FBXL5: variants seen among roughly 807,000 people sequenced by gnomAD.
FBXL5 encodes the protein F-box and leucine rich repeat protein 5, also known as F-box/LRR-repeat protein 5.
In FBXL5, 26 loss-of-function variants were observed where a neutral mutation model predicts 78.3. The observed-to-expected ratio is 0.33, with a 90% CI of 0.24 to 0.46. The LOEUF is 0.46. Among genes scored for constraint, FBXL5 ranks in the 20% least tolerant of loss-of-function variants. FBXL5 has a pLI of 1.00. For synonymous variants in FBXL5, 295 were observed against 282.5 expected, an observed-to-expected ratio of 1.04 and a Z score of -0.45; for missense variants, 710 against 829.2, an observed-to-expected ratio of 0.86 and a Z score of 1.77.
chr4:15,605,531 A>C lies in FBXL5; in HGVS notation c.*192T>G. ...AAAAGACCTAATCCCTTTCTAAACC[A>C]AAAGTATAATTTGCAAGAGAAACAA... On this transcript the variant is annotated 3_prime_UTR_variant, in exon 11 of 11. Coordinates refer to ENST00000341285, the MANE Select transcript of FBXL5 (RefSeq NM_012161.4). 1 of 550,692 alleles carries C rather than the reference A, an allele frequency of 1.8e-6. No homozygotes were observed. Among genetic ancestry groups the C allele is most frequent in the Non-Finnish European group, 3.3e-6 (1 of 303,560 alleles). The allele number at this position is 550,692 out of a possible 1,614,324, so 34.1% of individuals were successfully genotyped here.
intron 1 of FBXL5, among the ~76,000 whole-genome samples, chr4:15,678,038 T>C (rs1338852135): frequency 5.3e-5 from 8 of 152,212 alleles, no homozygotes; most frequent in Admixed American, 5.2e-4. Context: ...GAATGATGTA[T>C]CATTAAATGG....
upstream of FBXL5, chr4:15,656,285 T>C (rs1270206136): frequency 2.2e-6 from 1 of 456,250 alleles, no homozygotes; most frequent in Non-Finnish European, 4.4e-6. Flanking sequence ...ACAGACCTCC[T>C]GGAGACTCTG....
At chr4:15,654,495 G>GAAAT (rs1434650824) in intron 1 of FBXL5, among the ~76,000 whole-genome samples, 17 of 152,174 alleles carry the variant, frequency 1.1e-4, no homozygotes, top group African/African-American at 4.1e-4. Context: ...CTCATATAAA[G>GAAAT]AAATCCAAGA....
upstream of FBXL5, among the ~76,000 whole-genome samples, chr4:15,655,859 C>T (rs116063302): frequency 0.033 from 5,053 of 152,328 alleles, 258 homozygotes; most frequent in African/African-American, 0.11. Context: ...GCGCAGACCA[C>T]CCCGGCCGCC....
Position 15,605,939 on chromosome 4 carries a change from T to G in FBXL5, c.2000-140A>C, listed in dbSNP as rs111744547. ...AGAAGTAAATCTCATGATAAGTGTA[T>G]AAGAAATTATTCAGACACAAAACTC... On this transcript the variant is annotated intron_variant, in intron 10 of 10. Transcript: ENST00000341285. 5,712 of 629,204 alleles carry G rather than the reference T, an allele frequency of 9.1e-3. 32 individuals carry two copies. The highest frequency in any genetic ancestry group is 0.011 in the Non-Finnish European group (3,986 of 348,940). The allele number at this position is 629,204 out of a possible 1,614,324, so 39.0% of individuals were successfully genotyped here.
intron 1 of FBXL5, among the ~76,000 whole-genome samples, chr4:15,680,825 C>A (rs1357847612): frequency 1.3e-5 from 2 of 151,226 alleles, no homozygotes; most frequent in Non-Finnish European, 2.9e-5. Context: ...CTGTATCTAA[C>A]ATGTTTCCCT....
At chr4:15,655,084 T>A (rs894193949) in intron 1 of FBXL5, 120 bp downstream of exon 1, 2 of 716,714 alleles carry the variant, frequency 2.8e-6, no homozygotes, top group Admixed American at 5.2e-5. Flanking sequence ...CGCAGGCGGC[T>A]ACTCGCGCGG....
chr4:15,624,931 C>T (rs1712876460), intron 9 of FBXL5, among the ~76,000 whole-genome samples: 1 of 152,164 alleles, frequency 6.6e-6, no homozygotes, highest in Non-Finnish European at 1.5e-5. Flanking sequence ...TTTCTTGTTA[C>T]ATGTTCTTGA....
chr4:15,612,478 G>T, intron 9 of FBXL5, 64 bp from the exon 10 acceptor site: 1 of 1,437,384 alleles, frequency 7.0e-7, no homozygotes, highest in Non-Finnish European at 9.4e-7. Context: ...TATTCCTATG[G>T]TTCACTGAAC....
At chr4:15,647,982 C>T (rs1277603021) in intron 1 of FBXL5, among the ~76,000 whole-genome samples, 1 of 152,094 alleles carries the variant, frequency 6.6e-6, no homozygotes. Context: ...CTCAGCCTTC[C>T]GAATAGCTGG....
intron 1 of FBXL5, among the ~76,000 whole-genome samples, chr4:15,672,366 C>T (rs916861692): frequency 6.6e-6 from 1 of 152,192 alleles, no homozygotes; most frequent in African/African-American, 2.4e-5. Flanking sequence ...GAGGAATGCA[C>T]CTTTAGGTAA....
chr4:15,645,317 C>T (rs947912693), intron 1 of FBXL5, among the ~76,000 whole-genome samples: 12 of 152,036 alleles, frequency 7.9e-5, no homozygotes, highest in African/African-American at 2.4e-4. Flanking sequence ...AAAAGTAGTG[C>T]GGATTATGCA....
intron 9 of FBXL5, among the ~76,000 whole-genome samples, chr4:15,619,094 T>C (rs1445849156): frequency 6.6e-6 from 1 of 152,020 alleles, no homozygotes; most frequent in Non-Finnish European, 1.5e-5. Flanking sequence ...CACTAGGAAA[T>C]TGAGGCTGCA....
chr4:15,655,763 G>A (rs183843759), upstream of FBXL5, among the ~76,000 whole-genome samples: 22 of 152,310 alleles, frequency 1.4e-4, no homozygotes, highest in Non-Finnish European at 2.1e-4. Context: ...TGCTTGGCCT[G>A]GGTGACCAAT....
At chr4:15,624,324 G>C (rs113894668) in intron 9 of FBXL5, among the ~76,000 whole-genome samples, 2,467 of 152,158 alleles carry the variant, frequency 0.016, 69 homozygotes, top group African/African-American at 0.056. Flanking sequence ...ATCATTGTTA[G>C]ATGCCTTATA....
At chr4:15,670,846 T>A (rs1325074379) in intron 1 of FBXL5, among the ~76,000 whole-genome samples, 2 of 151,406 alleles carry the variant, frequency 1.3e-5, no homozygotes, top group African/African-American at 4.8e-5. Context: ...TACTGATGAA[T>A]CCTTTCAGTT....
At chr4:15,640,683 T>A in intron 3 of FBXL5, 105 bp downstream of exon 3, 1 of 536,434 alleles carries the variant, frequency 1.9e-6, no homozygotes, top group East Asian at 3.2e-5. Flanking sequence ...CTTCTCTCCA[T>A]CAACCAGATA....
At chr4:15,663,562 G>A (rs532652299), upstream of FBXL5, among the ~76,000 whole-genome samples, 6 of 152,242 alleles carry the variant, frequency 3.9e-5, no homozygotes, top group South Asian at 8.3e-4. Flanking sequence ...TGCTACTACC[G>A]TTAAGCCACA....
At chr4:15,626,560 A>G (rs1713085096) in intron 8 of FBXL5, among the ~76,000 whole-genome samples, 1 of 152,258 alleles carries the variant, frequency 6.6e-6, no homozygotes, top group South Asian at 2.1e-4. Flanking sequence ...GCTTTGCCAA[A>G]TGGCACTTAG....
Sources: allele counts gnomAD v4.1 joint callset (sites outside exome capture counted in the v4.1 genomes callset), GRCh38; gene constraint gnomAD v4.1.1; transcripts MANE v1.5; gene names NCBI Gene and HGNC (gene_info 2026-07-23, HGNC 2026-07-21).